Variants in ABL1 observed in about 807,000 individuals in gnomAD.
ABL1 encodes the protein ABL proto-oncogene 1, non-receptor tyrosine kinase.
In ABL1, 11 loss-of-function variants were observed where a neutral mutation model predicts 94.7. The observed-to-expected ratio is 0.12, with a 90% CI of 0.07 to 0.19. The LOEUF is 0.19. ABL1 is among the 10% of genes least tolerant of loss of function. The pLI is 1.00. For missense variants in ABL1, 1,082 were observed against 1,489.4 expected, an observed-to-expected ratio of 0.73 and a Z score of 4.50; for synonymous variants, 656 against 622.4, an observed-to-expected ratio of 1.05 and a Z score of -0.80.
rs771056263 is a variant in ABL1 at position 130,742,372 on chromosome 9, T to G, written c.136+27917T>G. Among the ~76,000 whole-genome samples the G allele has an allele frequency of 7.9e-5, 12 of 152,286 alleles. No homozygotes were observed. In the South Asian group the frequency reaches 2.1e-3, roughly 26 times the overall value. On this transcript the variant is annotated intron_variant, in intron 1 of 10. Transcript: ENST00000372348. ...AGCTTTTTCTCCATTGGCTAGAAGT[T>G]GAGACCCATTTCAACAAAAGCACTT... is the stretch of plus-strand genomic sequence containing the variant.
intron 1 of ABL1, among the ~76,000 whole-genome samples, chr9:130,718,934 G>C (rs1169456615): frequency 6.6e-6 from 1 of 152,122 alleles, no homozygotes; most frequent in Non-Finnish European, 1.5e-5. Flanking sequence ...AAGGCACATA[G>C]GGATGTTTGT....
At chr9:130,805,728 C>T (rs983164426) in intron 1 of ABL1, among the ~76,000 whole-genome samples, 1 of 152,164 alleles carries the variant, frequency 6.6e-6, no homozygotes, top group Non-Finnish European at 1.5e-5. Flanking sequence ...GTCAGTTCAG[C>T]TGGTTTCAGT....
intron 1 of ABL1, among the ~76,000 whole-genome samples, chr9:130,784,657 G>A (rs951584054): frequency 1.3e-5 from 2 of 152,132 alleles, no homozygotes; most frequent in African/African-American, 2.4e-5. Context: ...TGGGCCTTTC[G>A]CAGGTATCCC....
chr9:130,875,362 A>G (rs184749064), intron 7 of ABL1, among the ~76,000 whole-genome samples: 2 of 151,896 alleles, frequency 1.3e-5, no homozygotes, highest in East Asian at 3.9e-4. Flanking sequence ...AGGCTGGTCT[A>G]GAACTCCTGA....
chr9:130,713,307 G>T (rs1434284793), exon 1 of ABL1, among the ~76,000 whole-genome samples: 1 of 152,168 alleles, frequency 6.6e-6, no homozygotes, highest in East Asian at 1.9e-4. Context: ...TCCTCTACAC[G>T]GGGCCCGCCT....
At chr9:130,813,974 AC>A (rs1256512909) in intron 1 of ABL1, among the ~76,000 whole-genome samples, 7 of 152,046 alleles carry the variant, frequency 4.6e-5, no homozygotes, top group African/African-American at 9.7e-5. Flanking sequence ...GACTAGTGAA[AC>A]CCCAATTAAG....
intron 1 of ABL1, among the ~76,000 whole-genome samples, chr9:130,732,933 T>C (rs559333806): frequency 6.6e-6 from 1 of 152,256 alleles, no homozygotes; most frequent in East Asian, 1.9e-4. Context: ...AGGGATGAAA[T>C]TGCGAAATCT....
chr9:130,845,131 C>G (rs1467296733), intron 1 of ABL1, among the ~76,000 whole-genome samples: 2 of 152,116 alleles, frequency 1.3e-5, no homozygotes, highest in Admixed American at 1.3e-4. Context: ...AAAATAAATG[C>G]AGTTTTATTA....
At chr9:130,726,654 T>G (rs1343438241) in intron 1 of ABL1, among the ~76,000 whole-genome samples, 1 of 152,220 alleles carries the variant, frequency 6.6e-6, no homozygotes, top group Non-Finnish European at 1.5e-5. Context: ...AATTTTTTTT[T>G]GTAGAGATAG....
rs528786824 is a variant in ABL1 at position 130,740,595 on chromosome 9, G to A, written c.136+26140G>A. On this transcript the variant is annotated intron_variant, in intron 1 of 10. Transcript: ENST00000372348. ...CTATTAGACGTATGTTTATCACTTC[G>A]AAGAAAAACAATTTTACTATGATCT... Among the ~76,000 whole-genome samples, 12 of 152,194 alleles carry A rather than the reference G, an allele frequency of 7.9e-5. 1 individual carries two copies. The highest frequency in any genetic ancestry group is 2.6e-4 in the African/African-American group (11 of 41,530).
rs1256534669 is a variant in ABL1, at chr9:130,884,951, G to A, written c.2661G>A (p.Arg887=). 12 of 1,611,384 alleles carry A rather than the reference G, an allele frequency of 7.4e-6. No individual in the cohort carries two copies. Among genetic ancestry groups the A allele is most frequent in the Non-Finnish European group, 1.0e-5 (12 of 1,179,588 alleles). ...AGCACTCCTCTGAGTCGCCAGGGAGGGACAAGGGGAAATTGTCCAGGCTCA... is the reference window on the plus strand; with the variant it reads ...AGCACTCCTCTGAGTCGCCAGGGAGAGACAAGGGGAAATTGTCCAGGCTCA... The part of the protein sequence containing the change: ...RHKHSSESPG[R]DKGKLSRLKP... Residue 887 remains arginine, a synonymous_variant, in exon 11 of 11, where the codon AGG becomes AGA. Coordinates refer to ENST00000318560, the MANE Select transcript of ABL1 (RefSeq NM_005157.6). This position sits in a 1 kb window ranked among gnomAD's most constrained non-coding sequence, Gnocchi z 5.6.
At chr9:130,820,718 C>G (rs75384417) in intron 1 of ABL1, among the ~76,000 whole-genome samples, 5,393 of 152,310 alleles carry the variant, frequency 0.035, 304 homozygotes, top group African/African-American at 0.12. Context: ...GCAGCCCTCA[C>G]TGGGTGCATT....
intron 10 of ABL1, among the ~76,000 whole-genome samples, chr9:130,882,866 A>T (rs1831485094): frequency 1.3e-5 from 2 of 152,260 alleles, no homozygotes; most frequent in South Asian, 4.1e-4. Flanking sequence ...TATGATTCAT[A>T]TTTAAAGAGT....
chr9:130,880,190 G>A lies in ABL1; in HGVS notation c.1513+33G>A. The stretch of plus-strand genomic sequence containing the variant: ...ACCCATCCCGGGGTACCTGCAGTGG[G>A]GTGAAAGGGCAGCCATGTGGGACTG... On this transcript the variant is annotated intron_variant, in intron 9 of 10. Transcript: ENST00000318560. This position sits in a 1 kb window ranked among gnomAD's most constrained non-coding sequence, Gnocchi z 4.4. 1.2e-6 allele frequency: 2 copies of A among 1,602,232 alleles called. No homozygotes were observed. The highest frequency in any genetic ancestry group is 2.2e-5 in the East Asian group (1 of 44,816).
chr9:130,727,900 A>G (rs1831608923), intron 1 of ABL1, among the ~76,000 whole-genome samples: 1 of 152,086 alleles, frequency 6.6e-6, no homozygotes, highest in Non-Finnish European at 1.5e-5. Flanking sequence ...CAAATTAAGA[A>G]TGGAAATGAT....
At chr9:130,776,576 C>CAAA (rs67443041) in intron 1 of ABL1, among the ~76,000 whole-genome samples, 1 of 141,032 alleles carries the variant, frequency 7.1e-6, no homozygotes, top group Non-Finnish European at 1.5e-5. Flanking sequence ...GACTCTATCT[C>CAAA]AAAAAAAAAA....
At chr9:130,808,247 C>CT (rs1177878253) in intron 1 of ABL1, among the ~76,000 whole-genome samples, 3,211 of 94,970 alleles carry the variant, frequency 0.034, 147 homozygotes, top group East Asian at 0.23. Flanking sequence ...TCTTCTTCTT[C>CT]TTTTTTTTTT....
In ABL1 at chr9:130,821,152, G is replaced by A. The variant is rs369100913; in HGVS notation, c.137-32912G>A. On this transcript the variant is annotated intron_variant, in intron 1 of 10. Transcript: ENST00000372348. Reference sequence around the variant, plus strand: ...TCACCATGTTAGCCAGGATGGTCTCGATCTCCTGACCTCATGATCCGCCAG... The same window carrying A: ...TCACCATGTTAGCCAGGATGGTCTCAATCTCCTGACCTCATGATCCGCCAG... Among the ~76,000 whole-genome samples, 12 of 152,020 alleles carry A rather than the reference G, an allele frequency of 7.9e-5. 1 individual carries two copies. Among genetic ancestry groups the A allele is most frequent in the African/African-American group, 2.4e-4 (10 of 41,470 alleles).
At chr9:130,874,650 G>A (rs1036236474) in intron 6 of ABL1, among the ~76,000 whole-genome samples, 18 of 152,218 alleles carry the variant, frequency 1.2e-4, no homozygotes, top group Admixed American at 1.2e-3. Context: ...AGGCCAGGGA[G>A]CCCGCTCCCA....
Sources: allele counts gnomAD v4.1 joint callset (sites outside exome capture counted in the v4.1 genomes callset), GRCh38; gene constraint gnomAD v4.1.1; non-coding constraint Gnocchi (gnomAD v3.1); transcripts MANE v1.5; gene names NCBI Gene and HGNC (gene_info 2026-07-23, HGNC 2026-07-21).